GAB1: variants seen among roughly 807,000 people sequenced by gnomAD.
GAB1 encodes GRB2-associated-binding protein 1.
In GAB1, 19 loss-of-function variants were observed where a neutral mutation model predicts 66.5. That is an observed-to-expected ratio of 0.29 (90% CI 0.20 to 0.42). GAB1 has a LOEUF of 0.42. GAB1 is among the 10% of genes least tolerant of loss of function. GAB1 has a pLI of 1.00. For missense variants in GAB1, 732 were observed against 858.5 expected (o/e 0.85, Z 1.84); for synonymous variants, 294 against 301.4 (o/e 0.98, Z 0.25).
intron 6 of GAB1, among the ~76,000 whole-genome samples, chr4:143,444,068 C>G (rs1462191848): frequency 6.6e-6 from 1 of 152,120 alleles, no homozygotes; most frequent in Non-Finnish European, 1.5e-5. Flanking sequence ...AGATGAGTCA[C>G]TGGAAATACA....
chr4:143,436,322 T>C (rs1343495736), intron 3 of GAB1, among the ~76,000 whole-genome samples: 2 of 151,958 alleles, frequency 1.3e-5, no homozygotes, highest in Non-Finnish European at 2.9e-5. Flanking sequence ...TGGAGCCAGG[T>C]TATTAGTAAC....
intron 6 of GAB1, among the ~76,000 whole-genome samples, chr4:143,449,157 G>A (rs1470414654): frequency 6.9e-6 from 1 of 145,972 alleles, no homozygotes; most frequent in African/African-American, 2.7e-5. Context: ...CTGAGAGACA[G>A]TTTGTTATAA....
intron 2 of GAB1, among the ~76,000 whole-genome samples, chr4:143,418,411 T>G (rs889445820): frequency 6.6e-6 from 1 of 152,162 alleles, no homozygotes; most frequent in Non-Finnish European, 1.5e-5. Context: ...ACAAATGAGG[T>G]AGCTCTTTTT....
intron 6 of GAB1, among the ~76,000 whole-genome samples, chr4:143,451,032 GGTTGCTCCCCTGAA>G (rs1734901535): frequency 2.0e-5 from 3 of 152,150 alleles, no homozygotes; most frequent in African/African-American, 7.2e-5. Flanking sequence ...ACAAGGAAAA[GGTTGCTCCCCTGAA>G]GAAGCTCACC....
intron 2 of GAB1, among the ~76,000 whole-genome samples, chr4:143,416,069 C>G (rs1406309005): frequency 6.6e-6 from 1 of 152,072 alleles, no homozygotes; most frequent in African/African-American, 2.4e-5. Context: ...TCAGTTTAAC[C>G]ATATAACACT....
intron 2 of GAB1, chr4:143,425,985 TA>T (rs1353035655): frequency 4.4e-6 from 3 of 678,172 alleles, no homozygotes; most frequent in Admixed American, 2.8e-5. Flanking sequence ...AGTATCTAAA[TA>T]AAAAAAATTT....
At chr4:143,464,292 C>T (rs903615117) in intron 8 of GAB1, among the ~76,000 whole-genome samples, 5 of 152,066 alleles carry the variant, frequency 3.3e-5, no homozygotes, top group African/African-American at 9.7e-5. Flanking sequence ...TGCAGTGGTG[C>T]GATCTTGGCT....
chr4:143,448,265 G>T (rs1483977328), intron 6 of GAB1, among the ~76,000 whole-genome samples: 1 of 151,910 alleles, frequency 6.6e-6, no homozygotes, highest in Non-Finnish European at 1.5e-5. Context: ...TTTTGGTTGT[G>T]TCTCTGCCCG....
chr4:143,451,408 G>GT (rs1374630621), intron 6 of GAB1, among the ~76,000 whole-genome samples: 1 of 152,134 alleles, frequency 6.6e-6, no homozygotes, highest in African/African-American at 2.4e-5. Flanking sequence ...TCCTGAAGGA[G>GT]TTATAATTTA....
Position 143,470,244 on chromosome 4 carries a change from ATTC to A in GAB1, c.*1061_*1063del, listed in dbSNP as rs1469845657. ...CTTTCTATGATTTTTTTTACTTAAT[ATTC>A]TTCTTGGCCTTATATTTAATTCCCT... On this transcript the variant is annotated 3_prime_UTR_variant, in exon 10 of 10. Transcript: ENST00000262994. 7.9e-5 allele frequency: 12 copies of A among 152,052 alleles called. No individual in the cohort carries two copies. The highest frequency in any genetic ancestry group is 1.8e-4 in the Non-Finnish European group (12 of 68,006). The allele number at this position is 152,052 out of a possible 1,614,324, so 9.4% of individuals were successfully genotyped here.
At chr4:143,394,837 A>T (rs560222234) in intron 1 of GAB1, 1 of 152,122 alleles carries the variant, frequency 6.6e-6, no homozygotes, top group South Asian at 2.1e-4. Flanking sequence ...CTGTTGATGG[A>T]TATTGGACTG....
intron 1 of GAB1, among the ~76,000 whole-genome samples, chr4:143,342,244 G>A (rs1036956170): frequency 2.6e-5 from 4 of 152,142 alleles, no homozygotes; most frequent in East Asian, 1.9e-4. Context: ...CAGAATTACT[G>A]TTAGGAAGGT....
intron 2 of GAB1, among the ~76,000 whole-genome samples, chr4:143,416,428 T>C (rs1447044348): frequency 1.3e-5 from 2 of 151,360 alleles, no homozygotes; most frequent in Non-Finnish European, 2.9e-5. Flanking sequence ...CACTTTTATG[T>C]AGCTCAACCC....
At chr4:143,427,051 A>G (rs1418720645) in intron 2 of GAB1, among the ~76,000 whole-genome samples, 4 of 152,122 alleles carry the variant, frequency 2.6e-5, no homozygotes, top group African/African-American at 7.2e-5. Context: ...GGGGAACAGA[A>G]TTTATTGGGC....
intron 2 of GAB1, 34 bp downstream of exon 2, chr4:143,415,805 C>A (rs1246589143): frequency 3.5e-6 from 5 of 1,432,238 alleles, no homozygotes; most frequent in East Asian, 4.6e-5. Context: ...AACTTGAATT[C>A]TTCTTTTCTG....
Position 143,415,776 on chromosome 4 carries a change from G to A in GAB1, c.367+5G>A. The A allele has an allele frequency of 6.3e-7, 1 of 1,581,310 alleles. No homozygotes were observed. The highest frequency in any genetic ancestry group is 8.6e-7 in the Non-Finnish European group (1 of 1,161,640). ...GGTTTAATCCAACAGAAGAAGGTAAGTTCAAGATATTACTATTCAACTTGA... is the reference window on the plus strand; with the variant it reads ...GGTTTAATCCAACAGAAGAAGGTAAATTCAAGATATTACTATTCAACTTGA... On this transcript the variant is annotated splice_donor_5th_base_variant and intron_variant, in intron 2 of 9. Transcript: ENST00000262994.
intron 1 of GAB1, among the ~76,000 whole-genome samples, chr4:143,339,692 T>C (rs1385376841): frequency 6.6e-6 from 1 of 152,152 alleles, no homozygotes; most frequent in African/African-American, 2.4e-5. Flanking sequence ...GACAAGTATA[T>C]GTGAAAAAGC....
At chr4:143,349,949 C>G in intron 1 of GAB1, 2 of 1,594,596 alleles carry the variant, frequency 1.3e-6, no homozygotes, top group Non-Finnish European at 1.7e-6. Flanking sequence ...ATGTCCTTGA[C>G]CAAGCGGCCC....
intron 1 of GAB1, among the ~76,000 whole-genome samples, chr4:143,341,770 G>A (rs1253897317): frequency 6.6e-6 from 1 of 152,216 alleles, no homozygotes; most frequent in Non-Finnish European, 1.5e-5. Context: ...ATCTGACATG[G>A]AGGAGAGGGG....
Sources: gnomAD v4.1 joint callset for allele counts (sites outside exome capture counted in the v4.1 genomes callset) on GRCh38, gnomAD v4.1.1 for gene constraint, MANE v1.5 for transcripts, NCBI Gene and HGNC (gene_info 2026-07-23, HGNC 2026-07-21) for gene names.